The following PLPP4 variants were observed in gnomAD, a reference collection of about 807,000 sequenced individuals.
PLPP4 encodes the protein diacylglycerol pyrophosphate like 2.
Under a neutral mutation model 32.2 loss-of-function variants are expected in PLPP4, and 20 were observed. That is an observed-to-expected ratio of 0.62 (90% confidence interval 0.44 to 0.90). PLPP4 has a LOEUF of 0.90. Ranked by LOEUF, PLPP4 falls within the 40% of genes least tolerant of loss-of-function variation. PLPP4 has a pLI of 0.00. For missense variants in PLPP4, 257 were observed against 353.1 expected (o/e 0.73, Z 2.18); for synonymous variants, 127 against 133.0 (o/e 0.95, Z 0.31).
chr10:120,495,822 C>T (rs1844937405), intron 1 of PLPP4, among the ~76,000 whole-genome samples: 1 of 152,206 alleles, frequency 6.6e-6, no homozygotes. Context: ...CCAGCATATT[C>T]ACATTTGTAA....
At chr10:120,491,364 G>A (rs1844712897) in intron 1 of PLPP4, among the ~76,000 whole-genome samples, 1 of 152,162 alleles carries the variant, frequency 6.6e-6, no homozygotes, top group African/African-American at 2.4e-5. Flanking sequence ...CCAGGGAGAG[G>A]GCTCCTCAGT....
At chr10:120,480,684 T>C (rs1844158648) in intron 1 of PLPP4, among the ~76,000 whole-genome samples, 1 of 152,190 alleles carries the variant, frequency 6.6e-6, no homozygotes, top group South Asian at 2.1e-4. Context: ...TAAATGTTTA[T>C]TTTTAAAAGT....
intron 5 of PLPP4, among the ~76,000 whole-genome samples, chr10:120,528,218 G>GCA (rs1846515126): frequency 6.6e-6 from 1 of 152,050 alleles, no homozygotes; most frequent in Non-Finnish European, 1.5e-5. Flanking sequence ...GGGACTACAG[G>GCA]CGCCTGCCAC....
intron 6 of PLPP4, among the ~76,000 whole-genome samples, chr10:120,583,016 C>T (rs1045574163): frequency 6.6e-6 from 1 of 151,878 alleles, no homozygotes; most frequent in Non-Finnish European, 1.5e-5. Flanking sequence ...GTAGCAGAAT[C>T]ACTGGAAAGA....
intron 1 of PLPP4, among the ~76,000 whole-genome samples, chr10:120,478,761 T>C (rs1844049125): frequency 6.6e-6 from 1 of 152,252 alleles, no homozygotes; most frequent in South Asian, 2.1e-4. Flanking sequence ...TTTAAAAAGC[T>C]GCAACACACT....
intron 2 of PLPP4, among the ~76,000 whole-genome samples, chr10:120,507,104 T>C (rs1338240042): frequency 2.0e-5 from 3 of 152,212 alleles, no homozygotes; most frequent in African/African-American, 7.2e-5. Flanking sequence ...TTGTTGCTCT[T>C]TGGTATACTT....
rs183035549 is a variant in PLPP4 at position 120,530,929 on chromosome 10, A to G, written c.445+9834A>G. Among the ~76,000 whole-genome samples, 299 of 152,230 alleles carry G rather than the reference A, an allele frequency of 2.0e-3. 2 individuals carry two copies. In the Middle Eastern group the frequency reaches 0.027, roughly 14 times the overall value. On this transcript the variant is annotated intron_variant, in intron 5 of 6. Coordinates refer to ENST00000398250, the MANE Select transcript of PLPP4 (RefSeq NM_001030059.3). ...TGTTGCTGTGCACCTTGTCATTTGC[A>G]TACAGGCTGTTCACTTATCTTACTA...
intron 1 of PLPP4, among the ~76,000 whole-genome samples, chr10:120,486,285 A>G (rs1738096362): frequency 6.6e-6 from 1 of 150,854 alleles, no homozygotes; most frequent in Non-Finnish European, 1.5e-5. Context: ...TCCTCCTCAA[A>G]TGCTCCTTTG....
chr10:120,577,717 T>C (rs1431314710), intron 6 of PLPP4, among the ~76,000 whole-genome samples: 1 of 152,186 alleles, frequency 6.6e-6, no homozygotes, highest in Non-Finnish European at 1.5e-5. Context: ...GTGCATCTCT[T>C]GGTACAGGTT....
chr10:120,509,774 C>T (rs1038860876), intron 2 of PLPP4, among the ~76,000 whole-genome samples: 7 of 152,194 alleles, frequency 4.6e-5, no homozygotes, highest in Non-Finnish European at 8.8e-5. Flanking sequence ...GTCCATAACA[C>T]GTAGTAGGTG....
intron 1 of PLPP4, among the ~76,000 whole-genome samples, chr10:120,475,542 C>T (rs1843861444): frequency 6.6e-6 from 1 of 152,188 alleles, no homozygotes; most frequent in Admixed American, 6.5e-5. Flanking sequence ...AAAGGAAGTC[C>T]TGGCAGTTCC....
At chr10:120,523,579 C>T (rs1039544388) in intron 5 of PLPP4, among the ~76,000 whole-genome samples, 2 of 152,100 alleles carry the variant, frequency 1.3e-5, no homozygotes, top group African/African-American at 4.8e-5. Context: ...CTCCCATCTG[C>T]TCTCCATCTG....
chr10:120,461,879 A>G (rs1412015458), intron 1 of PLPP4, among the ~76,000 whole-genome samples: 1 of 152,348 alleles, frequency 6.6e-6, no homozygotes, highest in East Asian at 1.9e-4. Context: ...TGATTGGTGT[A>G]ATTCCAGCAA....
At chr10:120,497,962 C>CTTGCAGTGAG (rs1327918730) in intron 1 of PLPP4, among the ~76,000 whole-genome samples, 1 of 152,002 alleles carries the variant, frequency 6.6e-6, no homozygotes, top group African/African-American at 2.4e-5. Flanking sequence ...ATGGCGTGAA[C>CTTGCAGTGAG]CTGGGAGGCG....
intron 5 of PLPP4, among the ~76,000 whole-genome samples, chr10:120,539,515 C>G (rs1847237249): frequency 1.3e-5 from 2 of 152,176 alleles, no homozygotes; most frequent in African/African-American, 4.8e-5. Flanking sequence ...AACATGAACA[C>G]CTGTGAGTTA....
chr10:120,580,863 A>G (rs764282505), intron 6 of PLPP4: 3 of 1,287,886 alleles, frequency 2.3e-6, no homozygotes, highest in Non-Finnish European at 3.0e-6. Flanking sequence ...TCCTCAGCCC[A>G]AGTGAATTGA....
In PLPP4 at chr10:120,591,499, G is replaced by A. The variant is rs1849993023; in HGVS notation, c.*1997G>A. Among the ~76,000 whole-genome samples, 1 of 151,944 alleles carries A rather than the reference G, an allele frequency of 6.6e-6. No individual in the cohort carries two copies. Among genetic ancestry groups the A allele is most frequent in the Non-Finnish European group, 1.5e-5 (1 of 68,022 alleles). On this transcript the variant is annotated 3_prime_UTR_variant, in exon 7 of 7. Coordinates refer to ENST00000398250, the MANE Select transcript of PLPP4 (RefSeq NM_001030059.3). ...GAAAAGACATAATTTTAAATTCTGA[G>A]CTAAAATTCATTTAAAATTAGAAAA...
chr10:120,585,842 G>T (rs1849726422), intron 6 of PLPP4, among the ~76,000 whole-genome samples: 1 of 152,156 alleles, frequency 6.6e-6, no homozygotes, highest in East Asian at 1.9e-4. Context: ...TTCATTCTTG[G>T]GAATGCCTCT....
At chr10:120,526,762 C>T (rs1846410774) in intron 5 of PLPP4, among the ~76,000 whole-genome samples, 2 of 152,172 alleles carry the variant, frequency 1.3e-5, no homozygotes, top group Admixed American at 1.3e-4. Flanking sequence ...GAGAGTTTAG[C>T]TTCTCTTTAT....
Sources: gnomAD v4.1 joint callset for allele counts (sites outside exome capture counted in the v4.1 genomes callset) on GRCh38, gnomAD v4.1.1 for gene constraint, MANE v1.5 for transcripts, NCBI Gene and HGNC (gene_info 2026-07-23, HGNC 2026-07-21) for gene names.